Variants in CHST9 observed in about 807,000 individuals in gnomAD.
CHST9 encodes carbohydrate sulfotransferase 9.
CHST9 carries 41 observed loss-of-function variants against 44.4 expected under a neutral mutation model. The ratio of observed to expected loss-of-function variants is 0.92; its 90% CI spans 0.72 to 1.20. The LOEUF (loss-of-function observed/expected upper bound fraction) is 1.20. CHST9 is among the 50% of genes most tolerant of loss of function. CHST9 has a pLI of 0.00. For synonymous variants in CHST9, 171 were observed against 178.4 expected, an observed-to-expected ratio of 0.96 and a Z score of 0.33; for missense variants, 504 against 516.5, an observed-to-expected ratio of 0.98 and a Z score of 0.23.
intron 4 of CHST9, among the ~76,000 whole-genome samples, chr18:27,014,367 T>A (rs991315060): frequency 1.4e-5 from 2 of 141,912 alleles, no homozygotes; most frequent in Non-Finnish European, 3.0e-5. Context: ...GGCAGGAGAA[T>A]GGCGTGAACC....
intron 1 of CHST9, among the ~76,000 whole-genome samples, chr18:27,177,091 A>G (rs2143971527): frequency 6.6e-6 from 1 of 152,182 alleles, no homozygotes; most frequent in Middle Eastern, 3.4e-3. Context: ...TCATTCTCTG[A>G]TAATAAAAAT....
At position 26,912,855 on chromosome 18, in the gene CHST9, GC is replaced by G. The variant is rs1465650416; in HGVS notation, c.*3403del. On this transcript the variant is annotated 3_prime_UTR_variant, in exon 6 of 6. Transcript: ENST00000618847. ...CTAAATGTAGGACTAAATTGAATTA[GC>G]CTTGGCCTAAGGTTCTCAGGTAGTT... is the stretch of plus-strand genomic sequence containing the variant. 1 of 152,166 alleles carries G rather than the reference GC, an allele frequency of 6.6e-6. No homozygotes were observed. Among genetic ancestry groups the G allele is most frequent in the Non-Finnish European group, 1.5e-5 (1 of 68,034 alleles). 9.4% of individuals were successfully genotyped at this position (152,166 alleles called of 1,614,324 possible).
At chr18:27,137,182 G>A (rs1029151766) in intron 2 of CHST9, among the ~76,000 whole-genome samples, 1 of 151,450 alleles carries the variant, frequency 6.6e-6, no homozygotes, top group African/African-American at 2.4e-5. Flanking sequence ...ATAAGAAGGA[G>A]AGATTGATTT....
chr18:26,955,312 G>A (rs536766969), intron 4 of CHST9, among the ~76,000 whole-genome samples: 2 of 151,734 alleles, frequency 1.3e-5, no homozygotes, highest in East Asian at 3.9e-4. Context: ...GGAATTGAGG[G>A]GAAGGACTGA....
intron 2 of CHST9, among the ~76,000 whole-genome samples, chr18:27,076,005 T>A (rs953326858): frequency 2.6e-5 from 4 of 152,218 alleles, no homozygotes; most frequent in African/African-American, 9.6e-5. Context: ...CATTGGAGGC[T>A]GTCCTGCCAT....
intron 1 of CHST9, among the ~76,000 whole-genome samples, chr18:27,171,155 C>T (rs1450854900): frequency 6.6e-6 from 1 of 152,190 alleles, no homozygotes; most frequent in Non-Finnish European, 1.5e-5. Flanking sequence ...ATATTCTAAA[C>T]AAGACCCACA....
In CHST9 at chr18:26,915,956, G is replaced by A. The variant is rs914180365; in HGVS notation, c.*303C>T. ...TTTGAGATCCTTTTTTCCTACCATT[G>A]CAAGAGGCTGCTTTAGCTAATGCAA... is the stretch of plus-strand genomic sequence containing the variant. On this transcript the variant is annotated 3_prime_UTR_variant, in exon 6 of 6. Coordinates refer to ENST00000618847, the MANE Select transcript of CHST9 (RefSeq NM_031422.6). The A allele has an allele frequency of 1.8e-5, 4 of 225,664 alleles. No individual in the cohort carries two copies. In the Admixed American group the frequency reaches 2.0e-4, roughly 12 times the overall value. 14.0% of individuals were successfully genotyped at this position (225,664 alleles called of 1,614,324 possible). A position where few individuals can be genotyped will look rare whatever the true frequency, so the allele number is the denominator to read the frequency against.
At chr18:27,020,479 T>C (rs973269691) in intron 4 of CHST9, among the ~76,000 whole-genome samples, 2 of 152,254 alleles carry the variant, frequency 1.3e-5, no homozygotes, top group African/African-American at 2.4e-5. Flanking sequence ...CTAATGAGTC[T>C]TTGGAGCTGT....
At chr18:27,118,627 A>G (rs2058349021) in intron 2 of CHST9, among the ~76,000 whole-genome samples, 1 of 152,252 alleles carries the variant, frequency 6.6e-6, no homozygotes, top group Non-Finnish European at 1.5e-5. Flanking sequence ...GAAAAATAAT[A>G]CCAATGACCC....
intron 1 of CHST9, among the ~76,000 whole-genome samples, chr18:27,156,731 A>C (rs999913086): frequency 6.6e-6 from 1 of 152,272 alleles, no homozygotes; most frequent in South Asian, 2.1e-4. Flanking sequence ...AAAGTAGTTC[A>C]AATTAGATTA....
chr18:27,088,198 G>A (rs1290580514), intron 2 of CHST9, among the ~76,000 whole-genome samples: 1 of 152,136 alleles, frequency 6.6e-6, no homozygotes, highest in Non-Finnish European at 1.5e-5. Flanking sequence ...TACAGCCATA[G>A]GAGAACAATG....
At chr18:27,062,023 C>T (rs1275701232) in intron 2 of CHST9, among the ~76,000 whole-genome samples, 3 of 152,122 alleles carry the variant, frequency 2.0e-5, no homozygotes, top group Admixed American at 6.5e-5. Context: ...TCAGCTCCTG[C>T]GTTAAGTCCA....
At chr18:26,969,565 G>A (rs916195382) in intron 4 of CHST9, among the ~76,000 whole-genome samples, 11 of 152,070 alleles carry the variant, frequency 7.2e-5, no homozygotes, top group African/African-American at 2.2e-4. Flanking sequence ...TGGGCTCTGC[G>A]CACACAGCAA....
At chr18:27,169,691 C>CCGCCTCCCAGGTTCACA (rs1164120054) in intron 1 of CHST9, among the ~76,000 whole-genome samples, 1 of 148,850 alleles carries the variant, frequency 6.7e-6, no homozygotes, top group Non-Finnish European at 1.5e-5. Context: ...ACTGCAAGCT[C>CCGCCTCCCAGGTTCACA]CGCCTCCCAG....
chr18:26,920,311 C>T (rs1339027609), intron 5 of CHST9, among the ~76,000 whole-genome samples: 1 of 152,164 alleles, frequency 6.6e-6, no homozygotes, highest in Admixed American at 6.5e-5. Flanking sequence ...GTCTTAACAG[C>T]CAGCATGACT....
At position 26,913,087 on chromosome 18, in the gene CHST9, A is replaced by AT. The variant is rs538505593; in HGVS notation, c.*3171dup. The AT allele has an allele frequency of 8.4e-4, 128 of 152,288 alleles. No homozygotes were observed. Among genetic ancestry groups the AT allele is most frequent in the African/African-American group, 3.0e-3 (124 of 41,552 alleles). 9.4% of individuals were successfully genotyped at this position (152,288 alleles called of 1,614,324 possible). A position where few individuals can be genotyped will look rare whatever the true frequency, so the allele number is the denominator to read the frequency against. On this transcript the variant is annotated 3_prime_UTR_variant, in exon 6 of 6. Transcript: ENST00000618847. ...CCAAGTTCTATTAATTCAGCAAGTG[A>AT]TTTTTTCAAAGGGCACTCTAATATT...
intron 2 of CHST9, among the ~76,000 whole-genome samples, chr18:27,123,125 C>T (rs2058389238): frequency 6.6e-6 from 1 of 152,202 alleles, no homozygotes; most frequent in Non-Finnish European, 1.5e-5. Flanking sequence ...TTTCTCAGAA[C>T]TCCCAATGTG....
intron 4 of CHST9, among the ~76,000 whole-genome samples, chr18:26,958,122 G>A (rs1164375063): frequency 6.6e-6 from 1 of 151,152 alleles, no homozygotes; most frequent in Non-Finnish European, 1.5e-5. Context: ...CCGACCTCAG[G>A]TGATCCACCT....
chr18:26,951,545 T>C lies in CHST9; in HGVS notation c.203-7179A>G, dbSNP rs566232100. ...CATAGATCTGCAAGAATCTATCTGT[T>C]GCTCAAAGTCTTTTTGTTTTTTTTT... On this transcript the variant is annotated intron_variant, in intron 4 of 5. Transcript: ENST00000618847. 8.9e-5 allele frequency among the ~76,000 whole-genome samples: 11 copies of C among 124,012 alleles called. 1 individual carries two copies. In the South Asian group the frequency reaches 2.6e-3, roughly 30 times the overall value. The allele number at this position is 124,012 out of a possible 152,430, so 81.4% of individuals were successfully genotyped here. A position where few individuals can be genotyped will look rare whatever the true frequency, so the allele number is the denominator to read the frequency against.
Sources: allele counts gnomAD v4.1 joint callset (sites outside exome capture counted in the v4.1 genomes callset), GRCh38; gene constraint gnomAD v4.1.1; transcripts MANE v1.5; gene names NCBI Gene and HGNC (gene_info 2026-07-23, HGNC 2026-07-21).